CRYL1: variants seen among roughly 807,000 people sequenced by gnomAD.
CRYL1 encodes crystallin lambda 1.
CRYL1 carries 29 observed loss-of-function variants against 36.6 expected under a neutral mutation model. That is an observed-to-expected ratio of 0.79 (90% CI 0.59 to 1.08). CRYL1 has a LOEUF of 1.08. Among genes scored for constraint, CRYL1 ranks in the 50% least tolerant of loss-of-function variants. The pLI is 0.00. For missense variants in CRYL1, 411 were observed against 407.9 expected, an observed-to-expected ratio of 1.01 and a Z score of -0.06; for synonymous variants, 152 against 151.5, an observed-to-expected ratio of 1.00 and a Z score of -0.02.
At chr13:20,509,192 C>T (rs1468625256) in intron 2 of CRYL1, among the ~76,000 whole-genome samples, 2 of 148,002 alleles carry the variant, frequency 1.4e-5, no homozygotes, top group African/African-American at 5.0e-5. Flanking sequence ...AAAACTCAAT[C>T]CCCAAAAAAA....
chr13:20,501,357 G>A (rs1386147525), intron 2 of CRYL1, among the ~76,000 whole-genome samples: 4 of 152,152 alleles, frequency 2.6e-5, no homozygotes, highest in East Asian at 1.9e-4. Flanking sequence ...AGTCTGGGCC[G>A]CTGAGCCACA....
At chr13:20,475,212 C>T (rs781370637) in intron 3 of CRYL1, among the ~76,000 whole-genome samples, 14 of 152,118 alleles carry the variant, frequency 9.2e-5, no homozygotes, top group Admixed American at 2.0e-4. Context: ...AGGGCCTCCC[C>T]GCATTCCCAG....
chr13:20,439,514 C>CAAAAAAAAAAAAAAAAAAAAAAAAAAAAA (rs56087130), intron 4 of CRYL1, 79 bp downstream of exon 4: 44 of 331,808 alleles, frequency 1.3e-4, no homozygotes, highest in Admixed American at 3.6e-4. Context: ...CCCTCCCCCG[C>CAAAAAAAAAAAAAAAAAAAAAAAAAAAAA]AAAAAAAAAA....
chr13:20,443,276 A>T (rs2032384446), intron 3 of CRYL1, among the ~76,000 whole-genome samples: 1 of 152,208 alleles, frequency 6.6e-6, no homozygotes, highest in Non-Finnish European at 1.5e-5. Context: ...TCTGAAGTTT[A>T]GCCACTTGCT....
chr13:20,416,319 C>T (rs1049020008), intron 5 of CRYL1, among the ~76,000 whole-genome samples: 1 of 152,160 alleles, frequency 6.6e-6, no homozygotes, highest in African/African-American at 2.4e-5. Flanking sequence ...TGTAACGGGT[C>T]GGGGCATCAC....
intron 5 of CRYL1, among the ~76,000 whole-genome samples, chr13:20,424,949 T>C (rs1274602908): frequency 2.6e-5 from 4 of 152,170 alleles, no homozygotes; most frequent in Non-Finnish European, 4.4e-5. Context: ...AGCTGAGGCA[T>C]GGTGCGGAGG....
intron 4 of CRYL1, 103 bp downstream of exon 4, chr13:20,439,490 C>T: frequency 2.1e-6 from 2 of 943,270 alleles, no homozygotes; most frequent in South Asian, 1.8e-5. Context: ...GGATTACTCA[C>T]AAGTTATTGA....
At chr13:20,523,509 G>C (rs2034133242) in intron 1 of CRYL1, among the ~76,000 whole-genome samples, 1 of 152,166 alleles carries the variant, frequency 6.6e-6, no homozygotes, top group South Asian at 2.1e-4. Context: ...ATTTTGGTCT[G>C]TTGAAACCTA....
At chr13:20,432,347 G>A in intron 4 of CRYL1, 51 bp from the exon 5 acceptor site, 1 of 1,444,500 alleles carries the variant, frequency 6.9e-7, no homozygotes, top group Non-Finnish European at 9.5e-7. Context: ...CCTGGGTTTG[G>A]GGAACTGCAC....
chr13:20,475,932 C>A (rs945779432), intron 3 of CRYL1, among the ~76,000 whole-genome samples: 1 of 152,200 alleles, frequency 6.6e-6, no homozygotes, highest in Non-Finnish European at 1.5e-5. Context: ...TGTAAGTGTA[C>A]TCAGTCAGTG....
chr13:20,499,623 G>C (rs902079128), intron 2 of CRYL1, among the ~76,000 whole-genome samples: 5 of 152,124 alleles, frequency 3.3e-5, no homozygotes, highest in Non-Finnish European at 5.9e-5. Context: ...CTGCACTCCA[G>C]CCTGGGTGAC....
chr13:20,404,091 C>A lies in CRYL1; in HGVS notation c.*38G>T, dbSNP rs767860246. The A allele has an allele frequency of 1.1e-5, 15 of 1,398,948 alleles. No homozygotes were observed. The highest frequency in any genetic ancestry group is 1.5e-5 in the Non-Finnish European group (15 of 984,554). 86.7% of individuals were successfully genotyped at this position (1,398,948 alleles called of 1,614,324 possible). Reference sequence around the variant, plus strand: ...GGGCTTGCAGTGTTCCCAAATAGGGCCTCCAATGAGAGGAGTGGAAGCTGC... The same window carrying A: ...GGGCTTGCAGTGTTCCCAAATAGGGACTCCAATGAGAGGAGTGGAAGCTGC... On this transcript the variant is annotated 3_prime_UTR_variant, in exon 8 of 8. Transcript: ENST00000298248.
At chr13:20,409,071 G>A (rs2031452799) in intron 6 of CRYL1, among the ~76,000 whole-genome samples, 2 of 152,116 alleles carry the variant, frequency 1.3e-5, no homozygotes, top group East Asian at 1.9e-4. Context: ...AACAAAGCTG[G>A]AGGCATCACA....
chr13:20,414,828 A>T (rs745335263), intron 5 of CRYL1, among the ~76,000 whole-genome samples: 15 of 152,232 alleles, frequency 9.9e-5, no homozygotes, highest in Non-Finnish European at 1.8e-4. Flanking sequence ...CCCTCCCGTC[A>T]GAGGATGCCT....
intron 3 of CRYL1, among the ~76,000 whole-genome samples, chr13:20,471,836 T>C (rs1428881315): frequency 6.6e-6 from 1 of 151,772 alleles, no homozygotes; most frequent in Admixed American, 6.6e-5. Flanking sequence ...TCTCTCTTTT[T>C]CTCTCTCTCT....
chr13:20,437,511 G>A (rs867805181), intron 4 of CRYL1, among the ~76,000 whole-genome samples: 11 of 152,098 alleles, frequency 7.2e-5, no homozygotes, highest in Admixed American at 4.6e-4. Context: ...GTTTCACCGT[G>A]TTAGCCAGGA....
intron 3 of CRYL1, among the ~76,000 whole-genome samples, chr13:20,456,816 G>A (rs1029942676): frequency 6.6e-5 from 10 of 152,144 alleles, no homozygotes; most frequent in African/African-American, 2.2e-4. Context: ...GGGAAACTCT[G>A]GGAGAGAGTG....
intron 2 of CRYL1, among the ~76,000 whole-genome samples, chr13:20,508,959 G>C (rs181036657): frequency 6.6e-6 from 1 of 150,560 alleles, no homozygotes; most frequent in Admixed American, 6.6e-5. Context: ...CTAGCACTTC[G>C]GGAGGCTGAG....
At chr13:20,482,791 C>T (rs1321632860) in intron 3 of CRYL1, among the ~76,000 whole-genome samples, 4 of 152,136 alleles carry the variant, frequency 2.6e-5, no homozygotes, top group African/African-American at 9.7e-5. Context: ...ACACGCGTCT[C>T]CTCAAACTCT....
Sources: gnomAD v4.1 joint callset for allele counts (sites outside exome capture counted in the v4.1 genomes callset) on GRCh38, gnomAD v4.1.1 for gene constraint, MANE v1.5 for transcripts, NCBI Gene and HGNC (gene_info 2026-07-23, HGNC 2026-07-21) for gene names.